FANCC: variants seen among roughly 807,000 people sequenced by gnomAD.
The protein encoded by FANCC is FA complementation group C.
In FANCC, 55 loss-of-function variants were observed where a neutral mutation model predicts 71.3. That is an observed-to-expected ratio of 0.77 (90% CI 0.62 to 0.97). The LOEUF (loss-of-function observed/expected upper bound fraction) is 0.97, where lower values mean the gene tolerates loss of function less well. Among genes scored for constraint, FANCC ranks in the 50% least tolerant of loss-of-function variants. The pLI, the probability that FANCC is intolerant of heterozygous loss-of-function variation, is 0.00. For missense variants in FANCC, 678 were observed against 670.9 expected (o/e 1.01, Z -0.12); for synonymous variants, 275 against 244.9 (o/e 1.12, Z -1.15).
intron 4 of FANCC, among the ~76,000 whole-genome samples, chr9:95,213,156 T>A (rs1007677789): frequency 6.6e-6 from 1 of 152,216 alleles, no homozygotes; most frequent in Middle Eastern, 3.2e-3. Flanking sequence ...ATTAATTTCA[T>A]TTCTTTCTTT....
chr9:95,297,273 T>C (rs1312084741), intron 1 of FANCC, among the ~76,000 whole-genome samples: 3 of 152,190 alleles, frequency 2.0e-5, no homozygotes, highest in Admixed American at 1.3e-4. Context: ...CTTATAATAA[T>C]GGAGATAAAC....
At chr9:95,223,981 G>A (rs1344339123) in intron 4 of FANCC, among the ~76,000 whole-genome samples, 1 of 152,052 alleles carries the variant, frequency 6.6e-6, no homozygotes, top group African/African-American at 2.4e-5. Flanking sequence ...CCGTCTCAAG[G>A]AAAACAAACA....
intron 3 of FANCC, among the ~76,000 whole-genome samples, chr9:95,247,230 T>TGC (rs1220003906): frequency 4.0e-5 from 6 of 151,798 alleles, no homozygotes; most frequent in African/African-American, 1.5e-4. Flanking sequence ...TGTGTGTGTG[T>TGC]GTGTGTTTAT....
intron 1 of FANCC, chr9:95,292,820 G>C: frequency 1.3e-6 from 2 of 1,580,280 alleles, no homozygotes; most frequent in Non-Finnish European, 1.7e-6. Context: ...TCCATGCTGA[G>C]AAGAAGCACA....
chr9:95,200,694 C>T (rs1391986351), intron 4 of FANCC, among the ~76,000 whole-genome samples: 1 of 152,128 alleles, frequency 6.6e-6, no homozygotes, highest in Non-Finnish European at 1.5e-5. Flanking sequence ...TATGAATTTG[C>T]TTCAAAATTT....
At chr9:95,155,875 C>T (rs1026748223) in intron 6 of FANCC, among the ~76,000 whole-genome samples, 2 of 137,682 alleles carry the variant, frequency 1.5e-5, no homozygotes, top group African/African-American at 5.5e-5. Context: ...CTTGCCACCA[C>T]ATCTGGCTTT....
At chr9:95,157,702 C>T (rs956759878) in intron 6 of FANCC, among the ~76,000 whole-genome samples, 13 of 152,180 alleles carry the variant, frequency 8.5e-5, no homozygotes, top group African/African-American at 2.9e-4. Context: ...TGGATCTCCA[C>T]ACTCTGACAA....
At chr9:95,305,300 T>C (rs371089277) in intron 1 of FANCC, among the ~76,000 whole-genome samples, 8 of 152,266 alleles carry the variant, frequency 5.3e-5, no homozygotes, top group Middle Eastern at 3.4e-3. Flanking sequence ...GAAGACTTAA[T>C]TGGAAATCAG....
At chr9:95,237,342 C>G (rs373807757) in intron 4 of FANCC, among the ~76,000 whole-genome samples, 3 of 152,330 alleles carry the variant, frequency 2.0e-5, no homozygotes, top group East Asian at 1.9e-4. Flanking sequence ...CCTTTACTGC[C>G]AAGTTTCTTG....
In FANCC at chr9:95,106,673, C is replaced by A. The variant is rs533693108; in HGVS notation, c.1533+393G>T. ...ATTAACAGAATTCTTTGCACTGTTGCAGTGAATAGCATTGTGGTTGCTTTG... is the reference window on the plus strand; with the variant it reads ...ATTAACAGAATTCTTTGCACTGTTGAAGTGAATAGCATTGTGGTTGCTTTG... On this transcript the variant is annotated intron_variant, in intron 14 of 14. Transcript: ENST00000289081. Among the ~76,000 whole-genome samples the A allele has an allele frequency of 8.5e-5, 13 of 152,300 alleles. No individual in the cohort carries two copies. In the South Asian group the frequency reaches 2.3e-3, roughly 27 times the overall value.
At chr9:95,194,807 G>A (rs1298287491) in intron 4 of FANCC, among the ~76,000 whole-genome samples, 4 of 152,016 alleles carry the variant, frequency 2.6e-5, no homozygotes, top group Admixed American at 1.3e-4. Flanking sequence ...TGTCCTTCAC[G>A]TGGGCTTTCA....
Position 95,106,955 on chromosome 9 carries a change from G to GGCA in FANCC, c.1533+108_1533+110dup. 8 of 1,051,088 alleles carry GGCA rather than the reference G, an allele frequency of 7.6e-6. No individual in the cohort carries two copies. The South Asian group carries it at 1.1e-4, about 14-fold the overall frequency. The allele number at this position is 1,051,088 out of a possible 1,614,324, so 65.1% of individuals were successfully genotyped here. A position where few individuals can be genotyped will look rare whatever the true frequency, so the allele number is the denominator to read the frequency against. ...CCTCCTTGACCATTTATCTGTGCTGGGCAGCATCCTGGTACACACACTGTG... is the reference window on the plus strand; with the variant it reads ...CCTCCTTGACCATTTATCTGTGCTGGGCAGCAGCATCCTGGTACACACACTGTG... On this transcript the variant is annotated intron_variant, in intron 14 of 14. Transcript: ENST00000289081.
At chr9:95,305,116 C>T (rs1179820326) in intron 1 of FANCC, among the ~76,000 whole-genome samples, 1 of 151,762 alleles carries the variant, frequency 6.6e-6, no homozygotes, top group East Asian at 1.9e-4. Context: ...CCCAAAAGTC[C>T]AACAAAAAAA....
chr9:95,250,781 G>A (rs999335317), intron 1 of FANCC, among the ~76,000 whole-genome samples: 10 of 152,236 alleles, frequency 6.6e-5, no homozygotes, highest in Non-Finnish European at 1.2e-4. Context: ...TAGCCCTGGA[G>A]TGTTGCACTT....
At chr9:95,112,392 C>T (rs1256574718) in intron 12 of FANCC, among the ~76,000 whole-genome samples, 2 of 152,298 alleles carry the variant, frequency 1.3e-5, no homozygotes, top group Admixed American at 6.5e-5. Flanking sequence ...GCATGTTCCT[C>T]TGCCTGGCCC....
rs1427786127 is a variant in FANCC at position 95,233,105 on chromosome 9, G to T, written c.345+7544C>A. The stretch of plus-strand genomic sequence containing the variant: ...ATCATGCACAGCTGGGAAATTCAGG[G>T]TACTATTAAGAAGGCGGGAAAGGAG... On this transcript the variant is annotated intron_variant, in intron 4 of 14. Transcript: ENST00000289081. Among the ~76,000 whole-genome samples the T allele has an allele frequency of 3.9e-5, 6 of 152,044 alleles. No individual in the cohort carries two copies. The East Asian group carries it at 1.2e-3, about 29-fold the overall frequency.
rs547081375 is a variant in FANCC, at chr9:95,185,924, G to A, written c.346-13777C>T. On this transcript the variant is annotated intron_variant, in intron 4 of 14. Transcript: ENST00000289081. The stretch of plus-strand genomic sequence containing the variant: ...TGTATAAAAGTATTGCTAATTTCAA[G>A]TCAGAGAAGAAGCCAAGTCTAATTA... Among the ~76,000 whole-genome samples the A allele has an allele frequency of 9.2e-5, 14 of 152,330 alleles. 1 individual carries two copies. Among genetic ancestry groups the A allele is most frequent in the Admixed American group, 3.9e-4 (6 of 15,306 alleles).
At chr9:95,194,681 T>C (rs769845534) in intron 4 of FANCC, among the ~76,000 whole-genome samples, 4 of 152,150 alleles carry the variant, frequency 2.6e-5, no homozygotes, top group Non-Finnish European at 4.4e-5. Flanking sequence ...TGAAATAGTG[T>C]TTGCCCATTT....
chr9:95,188,223 T>A (rs995907341), intron 4 of FANCC, among the ~76,000 whole-genome samples: 1 of 152,162 alleles, frequency 6.6e-6, no homozygotes, highest in African/African-American at 2.4e-5. Flanking sequence ...CTCTTTTCTA[T>A]CTCCCACAAG....
Sources: allele counts gnomAD v4.1 joint callset (sites outside exome capture counted in the v4.1 genomes callset), GRCh38; gene constraint gnomAD v4.1.1; transcripts MANE v1.5; gene names NCBI Gene and HGNC (gene_info 2026-07-23, HGNC 2026-07-21).